The following TTC39B variants were observed in gnomAD, a reference collection of about 807,000 sequenced individuals.
TTC39B encodes tetratricopeptide repeat protein 39B.
Under a neutral mutation model 96.6 loss-of-function variants are expected in TTC39B, and 92 were observed. The ratio of observed to expected loss-of-function variants is 0.95; its 90% CI spans 0.80 to 1.13. TTC39B has a LOEUF of 1.13. Among genes scored for constraint, TTC39B ranks in the 50% most tolerant of loss-of-function variants. TTC39B has a pLI of 0.00. For missense variants in TTC39B, 955 were observed against 809.3 expected, an observed-to-expected ratio of 1.18 and a Z score of -2.18; for synonymous variants, 367 against 299.4, an observed-to-expected ratio of 1.23 and a Z score of -2.33.
intron 2 of TTC39B, among the ~76,000 whole-genome samples, chr9:15,251,928 C>A (rs1178310655): frequency 6.6e-6 from 1 of 151,740 alleles, no homozygotes; most frequent in Non-Finnish European, 1.5e-5. Flanking sequence ...TACTATGCAC[C>A]AGGCACAGGG....
exon 6 of TTC39B, chr9:15,210,137 T>G (rs776954417): frequency 1.2e-6 from 2 of 1,606,444 alleles, no homozygotes; most frequent in Non-Finnish European, 1.7e-6. Flanking sequence ...TTGAGAAAGA[T>G]TCTACAACTG....
At chr9:15,207,712 A>G (rs374068493) in intron 6 of TTC39B, among the ~76,000 whole-genome samples, 39 of 152,172 alleles carry the variant, frequency 2.6e-4, no homozygotes, top group African/African-American at 7.5e-4. Flanking sequence ...TCAGCTGGGC[A>G]CGGTGGCTCA....
intron 1 of TTC39B, among the ~76,000 whole-genome samples, chr9:15,269,093 G>A (rs1823242664): frequency 6.6e-6 from 1 of 152,068 alleles, no homozygotes; most frequent in African/African-American, 2.4e-5. Context: ...TATTCCCATG[G>A]CTGACTCATT....
exon 20 of TTC39B, chr9:15,167,548 T>C (rs368965312): frequency 2.2e-4 from 33 of 152,066 alleles, no homozygotes; most frequent in African/African-American, 7.0e-4. Flanking sequence ...AAGTTGGGAG[T>C]TCGAGACCAG....
chr9:15,232,520 CT>C (rs1166776599), intron 2 of TTC39B: 1 of 152,136 alleles, frequency 6.6e-6, no homozygotes, highest in Non-Finnish European at 1.5e-5. Context: ...AGCAACAGAC[CT>C]TAACCAAATA....
At chr9:15,188,906 G>T (rs1261053175) in intron 13 of TTC39B, among the ~76,000 whole-genome samples, 1 of 152,104 alleles carries the variant, frequency 6.6e-6, no homozygotes, top group African/African-American at 2.4e-5. Context: ...GTTCACAACA[G>T]TTTGTAGTGG....
chr9:15,166,995 TATATATATATATATATATATATATATATA>T (rs1564299661), exon 20 of TTC39B: 15 of 5,320 alleles, frequency 2.8e-3, no homozygotes, highest in East Asian at 0.019. Flanking sequence ...TATATATATA[TATATATATATATATATATATATATATATA>T]TATATTTTTT....
At chr9:15,297,134 C>A (rs866126302) in intron 1 of TTC39B, among the ~76,000 whole-genome samples, 2 of 152,204 alleles carry the variant, frequency 1.3e-5, no homozygotes, top group East Asian at 3.9e-4. Flanking sequence ...TGTGCTCCAA[C>A]CACATGGCCT....
intron 2 of TTC39B, among the ~76,000 whole-genome samples, chr9:15,262,027 G>A (rs1271250492): frequency 2.0e-5 from 3 of 152,070 alleles, no homozygotes; most frequent in Non-Finnish European, 4.4e-5. Flanking sequence ...TCCTTAAGAG[G>A]TCACCTCCTT....
chr9:15,274,629 A>G (rs1314070999), intron 1 of TTC39B, among the ~76,000 whole-genome samples: 1 of 152,190 alleles, frequency 6.6e-6, no homozygotes, highest in Non-Finnish European at 1.5e-5. Context: ...AGACACACTC[A>G]CATTCCAAGT....
At chr9:15,287,018 T>C (rs1823996818) in intron 1 of TTC39B, among the ~76,000 whole-genome samples, 1 of 138,136 alleles carries the variant, frequency 7.2e-6, no homozygotes. Context: ...GGCTAAGGAA[T>C]AGCTAAACTT....
chr9:15,182,337 C>T (rs1292840996), exon 17 of TTC39B: 13 of 1,611,674 alleles, frequency 8.1e-6, no homozygotes, highest in Admixed American at 6.7e-5. Flanking sequence ...TCAGCTTTTT[C>T]AACAGTTACT....
At chr9:15,277,458 C>T (rs914720330) in intron 1 of TTC39B, among the ~76,000 whole-genome samples, 2 of 152,110 alleles carry the variant, frequency 1.3e-5, no homozygotes, top group Non-Finnish European at 2.9e-5. Flanking sequence ...GAGCACAGAG[C>T]CCAATGCCAC....
chr9:15,307,165 G>A, exon 1 of TTC39B: 1 of 1,601,056 alleles, frequency 6.2e-7, no homozygotes, highest in Non-Finnish European at 8.5e-7. Flanking sequence ...ACCAAGCAGG[G>A]AACTCAGAGC....
At chr9:15,303,083 G>A (rs77158550) in intron 1 of TTC39B, among the ~76,000 whole-genome samples, 20,234 of 151,580 alleles carry the variant, frequency 0.13, 2,484 homozygotes, top group African/African-American at 0.33. Context: ...CAGCAGAATC[G>A]CTTGAACCCA....
intron 2 of TTC39B, 61 bp downstream of exon 2, chr9:15,267,853 T>C: frequency 6.9e-7 from 1 of 1,459,516 alleles, no homozygotes; most frequent in Non-Finnish European, 9.5e-7. Flanking sequence ...ATATTTACTT[T>C]TTATGTAAGA....
At chr9:15,212,167 A>T (rs1274366125) in intron 4 of TTC39B, among the ~76,000 whole-genome samples, 1 of 152,226 alleles carries the variant, frequency 6.6e-6, no homozygotes, top group East Asian at 1.9e-4. Context: ...ATATTAATGC[A>T]TAACAGCCTG....
At chr9:15,252,165 A>G (rs10961938) in intron 2 of TTC39B, among the ~76,000 whole-genome samples, 2 of 152,198 alleles carry the variant, frequency 1.3e-5, no homozygotes, top group Admixed American at 6.5e-5. Context: ...TTAGTAAAGT[A>G]CATTTCACAC....
intron 16 of TTC39B, among the ~76,000 whole-genome samples, chr9:15,182,865 A>G (rs1364567945): frequency 6.6e-6 from 1 of 152,220 alleles, no homozygotes; most frequent in Non-Finnish European, 1.5e-5. Context: ...GATCTTTCAT[A>G]CAATTAGAAA....
Sources: allele counts gnomAD v4.1 joint callset (sites outside exome capture counted in the v4.1 genomes callset), GRCh38; gene constraint gnomAD v4.1.1; transcripts MANE v1.5; gene names NCBI Gene and HGNC (gene_info 2026-07-23, HGNC 2026-07-21).